The following SH3PXD2A variants were observed in gnomAD, a reference collection of about 807,000 sequenced individuals.
SH3PXD2A encodes SH3 and PX domain-containing protein 2A.
SH3PXD2A carries 32 observed loss-of-function variants against 115.2 expected under a neutral mutation model. The ratio of observed to expected loss-of-function variants is 0.28; its 90% confidence interval spans 0.21 to 0.37. The LOEUF (loss-of-function observed/expected upper bound fraction) is 0.37. Ranked by LOEUF, SH3PXD2A falls within the 10% of genes least tolerant of loss-of-function variation. SH3PXD2A has a pLI of 1.00. For synonymous variants in SH3PXD2A, 610 were observed against 629.1 expected, an observed-to-expected ratio of 0.97 and a Z score of 0.45; for missense variants, 1,328 against 1,498.7, an observed-to-expected ratio of 0.89 and a Z score of 1.88.
chr10:103,737,707 CTGAG>C (rs1564876849), intron 3 of SH3PXD2A, among the ~76,000 whole-genome samples: 1 of 152,226 alleles, frequency 6.6e-6, no homozygotes, highest in Non-Finnish European at 1.5e-5. Flanking sequence ...GCACATCTGG[CTGAG>C]TGTGTGCCCA....
intron 1 of SH3PXD2A, among the ~76,000 whole-genome samples, chr10:103,823,506 C>T (rs1295914560): frequency 6.6e-6 from 1 of 152,230 alleles, no homozygotes; most frequent in Admixed American, 6.5e-5. Context: ...TAGCAAGTTC[C>T]ATGTGCTAGG....
At chr10:103,693,925 T>C (rs1298451039) in intron 5 of SH3PXD2A, among the ~76,000 whole-genome samples, 1 of 152,126 alleles carries the variant, frequency 6.6e-6, no homozygotes, top group Non-Finnish European at 1.5e-5. Flanking sequence ...CCAGCCTCCG[T>C]TTACCTGCCC....
Position 103,596,663 on chromosome 10 carries a change from A to ACACACACACACACACTCTCTCTCTCT in SH3PXD2A, c.*5152_*5153insAGAGAGAGAGAGTGTGTGTGTGTGTG. The ACACACACACACACACTCTCTCTCTCT allele has an allele frequency of 1.5e-4, 19 of 124,510 alleles. No homozygotes were observed. Among genetic ancestry groups the ACACACACACACACACTCTCTCTCTCT allele is most frequent in the African/African-American group, 5.4e-4 (17 of 31,752 alleles). 7.7% of individuals were successfully genotyped at this position (124,510 alleles called of 1,614,324 possible). On this transcript the variant is annotated 3_prime_UTR_variant, in exon 15 of 15. Coordinates refer to ENST00000369774, the MANE Select transcript of SH3PXD2A (RefSeq NM_001394015.1). Reference sequence around the variant, plus strand: ...CACACACACACACACACACACACACACTCTCTCTCTCTCTCTCTCTCTCAC... The same window carrying ACACACACACACACACTCTCTCTCTCT: ...CACACACACACACACACACACACACACACACACACACACACTCTCTCTCTCTCTCTCTCTCTCTCTCTCTCTCTCAC...
chr10:103,727,943 TG>T (rs2038262640), intron 4 of SH3PXD2A, among the ~76,000 whole-genome samples: 1 of 152,226 alleles, frequency 6.6e-6, no homozygotes, highest in Non-Finnish European at 1.5e-5. Flanking sequence ...CCCCGCAGCC[TG>T]GGCTGGTGAT....
chr10:103,639,983 GTGTTTTCCCTGC>G (rs2036929509), intron 8 of SH3PXD2A, among the ~76,000 whole-genome samples: 1 of 152,130 alleles, frequency 6.6e-6, no homozygotes, highest in South Asian at 2.1e-4. Flanking sequence ...AACAAAAAGG[GTGTTTTCCCTGC>G]TGTTCCAGCA....
chr10:103,853,207 G>A (rs905844347), intron 1 of SH3PXD2A, among the ~76,000 whole-genome samples: 2 of 152,156 alleles, frequency 1.3e-5, no homozygotes, highest in Non-Finnish European at 2.9e-5. Context: ...CGAGGGAACT[G>A]GACAGGACTT....
intron 1 of SH3PXD2A, among the ~76,000 whole-genome samples, chr10:103,831,861 T>A (rs2039485463): frequency 6.6e-6 from 1 of 152,214 alleles, no homozygotes; most frequent in Admixed American, 6.5e-5. Flanking sequence ...AACTTTCTGT[T>A]TCTATGCATT....
At chr10:103,697,046 C>T (rs1471821756) in intron 5 of SH3PXD2A, among the ~76,000 whole-genome samples, 1 of 152,120 alleles carries the variant, frequency 6.6e-6, no homozygotes, top group Non-Finnish European at 1.5e-5. Context: ...CGGTTCCTCT[C>T]TTGGCCCCTC....
intron 1 of SH3PXD2A, among the ~76,000 whole-genome samples, chr10:103,836,682 T>TACACACAC (rs55855121): frequency 0.05 from 7,450 of 148,644 alleles, 200 homozygotes; most frequent in African/African-American, 0.073. Context: ...CACAGACATG[T>TACACACAC]ACACACACAC....
intron 6 of SH3PXD2A, among the ~76,000 whole-genome samples, chr10:103,673,794 C>G (rs1243605086): frequency 2.6e-5 from 4 of 152,172 alleles, no homozygotes; most frequent in African/African-American, 9.7e-5. Flanking sequence ...AGAATGAGTA[C>G]AGCCAACAGC....
At chr10:103,795,113 A>G (rs1317413019) in intron 2 of SH3PXD2A, among the ~76,000 whole-genome samples, 1 of 152,214 alleles carries the variant, frequency 6.6e-6, no homozygotes, top group Non-Finnish European at 1.5e-5. Context: ...TATCTGCCCA[A>G]TACACAACCA....
At position 103,602,330 on chromosome 10, in the gene SH3PXD2A, G is replaced by A; in HGVS notation, c.2888C>T (p.Thr963Ile). ...TCCGTTCCTCATCTTCACCGCTGGAGTGCCTGAGGTCTTGCCGAAGCCCCC... is the reference window on the plus strand; with the variant it reads ...TCCGTTCCTCATCTTCACCGCTGGAATGCCTGAGGTCTTGCCGAAGCCCCC... ...PPGGFGKTSG[T>I]PAVKMRNGVR... Residue 963 changes from threonine to isoleucine, a missense_variant, in exon 15 of 15, where the codon ACT becomes ATT. This residue lies in a region of SH3PXD2A where 574 missense variants were observed against 565.7 expected (regional missense o/e 1.01). Coordinates refer to ENST00000369774, the MANE Select transcript of SH3PXD2A (RefSeq NM_001394015.1). 3 of 1,613,726 alleles carry A rather than the reference G, an allele frequency of 1.9e-6. No homozygotes were observed. The highest frequency in any genetic ancestry group is 2.5e-6 in the Non-Finnish European group (3 of 1,179,916).
intron 3 of SH3PXD2A, chr10:103,754,879 T>C (rs972784576): frequency 4.6e-5 from 7 of 152,190 alleles, no homozygotes; most frequent in Non-Finnish European, 8.8e-5. Context: ...ATTATGTGAA[T>C]GAACTGAACG....
intron 8 of SH3PXD2A, among the ~76,000 whole-genome samples, chr10:103,632,401 G>A (rs1030459533): frequency 3.3e-5 from 5 of 152,218 alleles, no homozygotes; most frequent in African/African-American, 9.7e-5. Flanking sequence ...CTTTGGTCAG[G>A]AGCCCTGGTT....
intron 1 of SH3PXD2A, among the ~76,000 whole-genome samples, chr10:103,829,299 A>T (rs2039462837): frequency 6.6e-6 from 1 of 152,174 alleles, no homozygotes; most frequent in South Asian, 2.1e-4. Flanking sequence ...GGAGGCACGC[A>T]GGCATCCGAT....
chr10:103,769,332 A>G (rs913691927), intron 2 of SH3PXD2A, among the ~76,000 whole-genome samples: 19 of 152,146 alleles, frequency 1.2e-4, no homozygotes, highest in Non-Finnish European at 2.4e-4. Flanking sequence ...GTCACCGGTG[A>G]TTACATTCAA....
At position 103,748,588 on chromosome 10, in the gene SH3PXD2A, G is replaced by A. The variant is rs887665463; in HGVS notation, c.230-12780C>T. On this transcript the variant is annotated intron_variant, in intron 3 of 14. Coordinates refer to ENST00000369774, the MANE Select transcript of SH3PXD2A (RefSeq NM_001394015.1). ...CGCTGTGATGTGTTGGCTGTCATAG[G>A]CACACGCAGGAGGGAGACAGGGCTG... Among the ~76,000 whole-genome samples, 24 of 152,344 alleles carry A rather than the reference G, an allele frequency of 1.6e-4. 1 individual carries two copies. In the South Asian group the frequency reaches 4.6e-3, roughly 29 times the overall value.
At chr10:103,670,306 C>T (rs527825874) in intron 6 of SH3PXD2A, among the ~76,000 whole-genome samples, 23 of 152,354 alleles carry the variant, frequency 1.5e-4, no homozygotes, top group Admixed American at 1.2e-3. Flanking sequence ...CTCTCTGAGC[C>T]TGTTCCTGAA....
At chr10:103,692,911 G>A in intron 6 of SH3PXD2A, 117 bp downstream of exon 6, 1 of 847,236 alleles carries the variant, frequency 1.2e-6, no homozygotes, top group Non-Finnish European at 1.9e-6. Flanking sequence ...CCCGTAGGCT[G>A]GCGTGCAAGG....
Sources: gnomAD v4.1 joint callset for allele counts (sites outside exome capture counted in the v4.1 genomes callset) on GRCh38, gnomAD v4.1.1 for gene constraint, gnomAD v4.1.1 regional missense constraint, MANE v1.5 for transcripts, NCBI Gene and HGNC (gene_info 2026-07-23, HGNC 2026-07-21) for gene names.